The following NAP1L4 variants were observed in gnomAD, a reference collection of about 807,000 sequenced individuals.
NAP1L4 encodes the protein nucleosome assembly protein 1 like 4.
In NAP1L4, 15 loss-of-function variants were observed where a neutral mutation model predicts 58.2. The observed-to-expected ratio is 0.26, with a 90% CI of 0.17 to 0.40. The LOEUF is 0.40. Among genes scored for constraint, NAP1L4 ranks in the 10% least tolerant of loss-of-function variants. NAP1L4 has a pLI of 1.00. For synonymous variants in NAP1L4, 171 were observed against 155.6 expected, an observed-to-expected ratio of 1.10 and a Z score of -0.74; for missense variants, 384 against 451.1, an observed-to-expected ratio of 0.85 and a Z score of 1.35.
At chr11:2,982,004 A>C (rs1250665098) in intron 1 of NAP1L4, among the ~76,000 whole-genome samples, 1 of 152,184 alleles carries the variant, frequency 6.6e-6, no homozygotes, top group Non-Finnish European at 1.5e-5. Context: ...TCTAAATGCA[A>C]GGTGTGAGAC....
chr11:2,949,305 AGAAAATGAAATG>A lies in NAP1L4; in HGVS notation c.1123-53_1123-42del. On this transcript the variant is annotated intron_variant, in intron 14 of 15. Transcript: ENST00000380542. The surrounding 1 kb of genome is among the most constrained non-coding windows in gnomAD (Gnocchi z 4.0). ...AATTGAAAGGAACTGTCAGCATGAA[AGAAAATGAAATG>A]CACAAAATTATACAGGAGGAAACGG... is the stretch of plus-strand genomic sequence containing the variant. The A allele has an allele frequency of 6.6e-7, 1 of 1,519,492 alleles. No homozygotes were observed. The highest frequency in any genetic ancestry group is 9.1e-7 in the Non-Finnish European group (1 of 1,094,038). 94.1% of individuals were successfully genotyped at this position (1,519,492 alleles called of 1,614,324 possible).
chr11:2,979,334 C>A (rs1848163945), intron 1 of NAP1L4, 97 bp from the exon 2 acceptor site: 2 of 1,003,362 alleles, frequency 2.0e-6, no homozygotes, highest in Admixed American at 4.6e-5. Flanking sequence ...ATGGAGTCCA[C>A]TAGAAGGGAC....
At chr11:2,952,695 G>GTTT (rs1226204732) in intron 12 of NAP1L4, 1 of 152,280 alleles carries the variant, frequency 6.6e-6, no homozygotes, top group Non-Finnish European at 1.5e-5. Context: ...GCATCAGGCA[G>GTTT]GGAAAGGCTT....
intron 8 of NAP1L4, among the ~76,000 whole-genome samples, chr11:2,964,435 CACAGACTCACG>C (rs1847135249): frequency 6.6e-6 from 1 of 152,196 alleles, no homozygotes; most frequent in Admixed American, 6.5e-5. Context: ...AATCATCCAG[CACAGACTCACG>C]ACTACAGTGC....
intron 8 of NAP1L4, 156 bp from the exon 9 acceptor site, chr11:2,960,065 C>T (rs373993634): frequency 1.2e-5 from 9 of 738,804 alleles, no homozygotes; most frequent in Admixed American, 2.9e-5. Flanking sequence ...AAAAGACTAG[C>T]GTGAGGTTAA....
intron 15 of NAP1L4, among the ~76,000 whole-genome samples, chr11:2,947,973 C>T (rs996960973): frequency 6.6e-6 from 1 of 152,184 alleles, no homozygotes; most frequent in Non-Finnish European, 1.5e-5. Flanking sequence ...GCACCCTGCC[C>T]TTCTCTTCCA....
At position 2,972,181 on chromosome 11, in the gene NAP1L4, T is replaced by C. The variant is rs753845585; in HGVS notation, c.236A>G (p.His79Arg). Residue 79 changes from histidine (H) to arginine (R), a missense_variant, in exon 5 of 16, where the codon CAC becomes CGC. Coordinates refer to ENST00000380542, the MANE Select transcript of NAP1L4 (RefSeq NM_005969.4). ...ALKQLQVRCA[H>R]IEAKFYEEVH... ...CTCTTCATAGAACTTGGCTTCTATG[T>C]GAGCACATCTCACCTGAAGTTGTTT... The C allele has an allele frequency of 1.2e-6, 2 of 1,609,486 alleles. No homozygotes were observed. Among genetic ancestry groups the C allele is most frequent in the South Asian group, 1.1e-5 (1 of 90,408 alleles).
chr11:2,954,557 G>A lies in NAP1L4; in HGVS notation c.1005C>T (p.Phe335=). 1 of 1,614,200 alleles carries A rather than the reference G, an allele frequency of 6.2e-7. No homozygotes were observed. Among genetic ancestry groups the A allele is most frequent in the South Asian group, 1.1e-5 (1 of 91,082 alleles). Residue 335 remains phenylalanine, a synonymous_variant, in exon 12 of 16, where the codon TTC becomes TTT. Transcript: ENST00000380542. This position sits in a 1 kb window ranked among gnomAD's most constrained non-coding sequence, Gnocchi z 4.8. Reference sequence around the variant, plus strand: ...CATCATCTTCTATGGCCTCCCCAGTGAAGTACAGCACAGCCCGCGGGACTA... The same window carrying A: ...CATCATCTTCTATGGCCTCCCCAGTAAAGTACAGCACAGCCCGCGGGACTA... ...ERIVPRAVLY[F]TGEAIEDDDN...
chr11:2,959,855 G>C lies in NAP1L4; in HGVS notation c.661C>G (p.Leu221Val). The change falls in exon 9 of 16, where the codon CTG becomes GTG. Residue 221 changes from leucine (L) to valine (V), a missense_variant. Leu to Val is a conservative substitution (Grantham distance 32). Transcript: ENST00000380542. The surrounding 1 kb of genome is among the most constrained non-coding windows in gnomAD (Gnocchi z 4.9). ...GATTTCATCTTGTAGGTTTTTGTCA[G>C]GACTGAGTTGGTAAAGTAGTCGTTG... is the stretch of plus-strand genomic sequence containing the variant. ...EPNDYFTNSV[L>V]TKTYKMKSEP... is the part of the protein sequence containing the mutation. The C allele has an allele frequency of 6.2e-7, 1 of 1,614,168 alleles. No individual in the cohort carries two copies. The highest frequency in any genetic ancestry group is 8.5e-7 in the Non-Finnish European group (1 of 1,180,000).
chr11:2,961,036 T>G (rs1846865055), intron 8 of NAP1L4, among the ~76,000 whole-genome samples: 1 of 152,156 alleles, frequency 6.6e-6, no homozygotes, highest in African/African-American at 2.4e-5. Flanking sequence ...GCCTTGGTGG[T>G]TAATCTGTAT....
chr11:2,976,469 T>C (rs1054653076), intron 3 of NAP1L4, among the ~76,000 whole-genome samples: 2 of 152,146 alleles, frequency 1.3e-5, no homozygotes, highest in Non-Finnish European at 1.5e-5. Flanking sequence ...AGTCCCATGG[T>C]GGTGTCCAGA....
intron 3 of NAP1L4, among the ~76,000 whole-genome samples, chr11:2,977,730 A>G (rs1302519873): frequency 6.6e-6 from 1 of 152,128 alleles, no homozygotes; most frequent in Non-Finnish European, 1.5e-5. Flanking sequence ...ACTTGCTTTC[A>G]AACAGTTTGG....
chr11:2,952,267 T>C (rs1193081112), intron 12 of NAP1L4: 1 of 167,572 alleles, frequency 6.0e-6, no homozygotes, highest in Non-Finnish European at 1.3e-5. Flanking sequence ...GAAACCTTAG[T>C]AGAAATATAT....
At chr11:2,981,075 A>C (rs963760525) in intron 1 of NAP1L4, among the ~76,000 whole-genome samples, 18 of 151,912 alleles carry the variant, frequency 1.2e-4, no homozygotes, top group Non-Finnish European at 2.4e-4. Flanking sequence ...ACAAAAACAA[A>C]CAAACAAACA....
At chr11:2,960,513 A>AT (rs1175004864) in intron 8 of NAP1L4, among the ~76,000 whole-genome samples, 2 of 152,228 alleles carry the variant, frequency 1.3e-5, no homozygotes, top group Admixed American at 1.3e-4. Flanking sequence ...GAACGCAGGC[A>AT]TAGAACAACC....
rs550474077 is a variant in NAP1L4, at chr11:2,946,804, C to T, written c.*33-1158G>A. Among the ~76,000 whole-genome samples, 132 of 152,296 alleles carry T rather than the reference C, an allele frequency of 8.7e-4. No homozygotes were observed. The highest frequency in any genetic ancestry group is 1.6e-3 in the Non-Finnish European group (112 of 68,024). ...AGACAAAACGAGGCTGACCAAAAACCCTCGCCATGTCAATCTGACATTCAA... is the reference window on the plus strand; with the variant it reads ...AGACAAAACGAGGCTGACCAAAAACTCTCGCCATGTCAATCTGACATTCAA... On this transcript the variant is annotated intron_variant, in intron 15 of 15. Transcript: ENST00000380542. This position sits in a 1 kb window ranked among gnomAD's most constrained non-coding sequence, Gnocchi z 4.8.
At chr11:2,950,811 T>A (rs1846186370) in intron 14 of NAP1L4, among the ~76,000 whole-genome samples, 1 of 152,224 alleles carries the variant, frequency 6.6e-6, no homozygotes, top group Admixed American at 6.5e-5. Context: ...ACACATCATC[T>A]GGGCATGCTC....
chr11:2,977,468 A>G (rs887759302), intron 3 of NAP1L4, among the ~76,000 whole-genome samples: 1 of 152,230 alleles, frequency 6.6e-6, no homozygotes, highest in Non-Finnish European at 1.5e-5. Flanking sequence ...TGAGCATTCT[A>G]TAAGACAACA....
intron 12 of NAP1L4, among the ~76,000 whole-genome samples, chr11:2,953,597 A>C (rs1846356927): frequency 6.6e-6 from 1 of 152,198 alleles, no homozygotes; most frequent in Admixed American, 6.5e-5. Context: ...TCACCTCCCA[A>C]CCTAGGGATG....
Sources: allele counts gnomAD v4.1 joint callset (sites outside exome capture counted in the v4.1 genomes callset), GRCh38; gene constraint gnomAD v4.1.1; non-coding constraint Gnocchi (gnomAD v3.1); transcripts MANE v1.5; gene names NCBI Gene and HGNC (gene_info 2026-07-23, HGNC 2026-07-21).